Variants in DTWD2 observed in about 807,000 individuals in gnomAD.
The protein encoded by DTWD2 is tRNA-uridine aminocarboxypropyltransferase 2.
DTWD2 carries 39 observed loss-of-function variants against 31.8 expected under a neutral mutation model. That is an observed-to-expected ratio of 1.22 (90% confidence interval 0.95 to 1.60). The LOEUF is 1.60. Ranked by LOEUF, DTWD2 falls within the 40% of genes most tolerant of loss-of-function variation. The pLI, the probability that DTWD2 is intolerant of heterozygous loss-of-function variation, is 0.00. For synonymous variants in DTWD2, 180 were observed against 142.8 expected (o/e 1.26, Z -1.86); for missense variants, 515 against 381.5 (o/e 1.35, Z -2.92).
intron 4 of DTWD2, among the ~76,000 whole-genome samples, chr5:118,909,840 C>T (rs553798588): frequency 2.6e-5 from 4 of 152,196 alleles, no homozygotes; most frequent in African/African-American, 4.8e-5. Context: ...TGTATTCCCC[C>T]GTACTTAGCA....
chr5:118,943,985 C>T (rs914161257), intron 2 of DTWD2, among the ~76,000 whole-genome samples: 7 of 152,158 alleles, frequency 4.6e-5, no homozygotes, highest in Admixed American at 2.6e-4. Context: ...AACTTCCTCC[C>T]CTCTTCATTA....
chr5:118,884,996 C>CAAAAAAAA lies in DTWD2; in HGVS notation c.598-36786_598-36779dup, dbSNP rs36042211. Among the ~76,000 whole-genome samples the CAAAAAAAA allele has an allele frequency of 5.0e-4, 25 of 49,744 alleles. 2 individuals are homozygous for CAAAAAAAA. Among genetic ancestry groups the CAAAAAAAA allele is most frequent in the African/African-American group, 1.8e-3 (21 of 11,998 alleles). The allele number at this position is 49,744 out of a possible 152,430, so 32.6% of individuals were successfully genotyped here. A position where few individuals can be genotyped will look rare whatever the true frequency, so the allele number is the denominator to read the frequency against. On this transcript the variant is annotated intron_variant, in intron 4 of 5. Coordinates refer to ENST00000510708, the MANE Select transcript of DTWD2 (RefSeq NM_173666.4). ...GGGGGACAGAGTGAGACTCCATCTC[C>CAAAAAAAA]AAAAAAAAAAAAAAAAAAAAAAATC...
intron 1 of DTWD2, among the ~76,000 whole-genome samples, chr5:118,975,779 G>C (rs746900671): frequency 6.6e-6 from 1 of 152,070 alleles, no homozygotes; most frequent in Non-Finnish European, 1.5e-5. Context: ...ATACTGGACC[G>C]ATCAATGAGA....
intron 4 of DTWD2, among the ~76,000 whole-genome samples, chr5:118,894,334 C>CA (rs1443262850): frequency 2.0e-5 from 3 of 151,934 alleles, no homozygotes; most frequent in Non-Finnish European, 4.4e-5. Context: ...TGTTGGAAAA[C>CA]AAAAAACTGA....
intron 3 of DTWD2, among the ~76,000 whole-genome samples, chr5:118,930,699 C>T (rs191660342): frequency 2.5e-4 from 38 of 152,252 alleles, no homozygotes; most frequent in African/African-American, 7.9e-4. Context: ...ATACATGTTA[C>T]AACCTTGAAA....
intron 4 of DTWD2, among the ~76,000 whole-genome samples, chr5:118,923,083 T>C (rs1753738216): frequency 6.6e-6 from 1 of 152,106 alleles, no homozygotes; most frequent in East Asian, 1.9e-4. Flanking sequence ...TTCATTTCAG[T>C]GAAATGATAA....
chr5:118,959,398 TA>T (rs1384541080), intron 1 of DTWD2, among the ~76,000 whole-genome samples: 2 of 151,170 alleles, frequency 1.3e-5, no homozygotes, highest in African/African-American at 4.9e-5. Flanking sequence ...ACCAAGGAGG[TA>T]AAAAAATCTC....
intron 4 of DTWD2, among the ~76,000 whole-genome samples, chr5:118,921,462 G>C: frequency 6.6e-6 from 1 of 150,682 alleles, no homozygotes. Context: ...GGAAGCTGCA[G>C]TGAGCTATAA....
chr5:118,836,091 T>C lies in DTWD2; in HGVS notation c.*4826A>G, dbSNP rs1290898992. 6.6e-6 allele frequency among the ~76,000 whole-genome samples: 1 copy of C among 152,198 alleles called. No homozygotes were observed. Among genetic ancestry groups the C allele is most frequent in the Admixed American group, 6.5e-5 (1 of 15,280 alleles). On this transcript the variant is annotated 3_prime_UTR_variant, in exon 6 of 6. Coordinates refer to ENST00000510708, the MANE Select transcript of DTWD2 (RefSeq NM_173666.4). ...GGCAGGTACACTTTTAAAAAATGTT[T>C]TAATTCTTTAATATACTTCTAAGTA...
intron 4 of DTWD2, among the ~76,000 whole-genome samples, chr5:118,916,058 A>C (rs1022717249): frequency 1.3e-5 from 2 of 152,224 alleles, no homozygotes; most frequent in African/African-American, 4.8e-5. Flanking sequence ...CATTAAATGA[A>C]GCCACTCACT....
chr5:118,960,394 A>G (rs1754679430), intron 1 of DTWD2, among the ~76,000 whole-genome samples: 1 of 152,190 alleles, frequency 6.6e-6, no homozygotes, highest in Non-Finnish European at 1.5e-5. Context: ...TCACACCAGT[A>G]AGAATGGCTA....
Position 118,857,165 on chromosome 5 carries a change from G to A in DTWD2, c.598-8947C>T, listed in dbSNP as rs17144744. 4.2e-3 allele frequency among the ~76,000 whole-genome samples: 639 copies of A among 152,082 alleles called. 8 individuals carry two copies. Among genetic ancestry groups the A allele is most frequent in the East Asian group, 0.029 (150 of 5,178 alleles). ...AAAAAAAAGTTTGAAAATTGTAAGCGATCTTAACAGCAGTCTCTACTCTGC... is the reference window on the plus strand; with the variant it reads ...AAAAAAAAGTTTGAAAATTGTAAGCAATCTTAACAGCAGTCTCTACTCTGC... On this transcript the variant is annotated intron_variant, in intron 4 of 5. Coordinates refer to ENST00000510708, the MANE Select transcript of DTWD2 (RefSeq NM_173666.4).
At chr5:118,980,689 G>A (rs1755280643) in intron 1 of DTWD2, among the ~76,000 whole-genome samples, 1 of 152,172 alleles carries the variant, frequency 6.6e-6, no homozygotes, top group Non-Finnish European at 1.5e-5. Context: ...AAAACAGAAA[G>A]CTCATACACT....
At chr5:118,973,628 TCCTTGCTC>T (rs1755045730) in intron 1 of DTWD2, among the ~76,000 whole-genome samples, 2 of 149,254 alleles carry the variant, frequency 1.3e-5, no homozygotes, top group Admixed American at 1.5e-4. Flanking sequence ...CGCGGCAGCC[TCCTTGCTC>T]GCGGCAGCCT....
Position 118,939,244 on chromosome 5 carries a change from G to C in DTWD2, c.356C>G (p.Pro119Arg). The change falls in exon 3 of 6, where the codon CCC becomes CGC. Residue 119 changes from proline (P) to arginine (R), a missense_variant. By Grantham distance (103) the Pro-to-Arg change is moderately radical. Coordinates refer to ENST00000510708, the MANE Select transcript of DTWD2 (RefSeq NM_173666.4). ...GATCTTCACTTTACACTTGTCCTGG[G>C]GGAGGCATGCTGCTAGTAGAGGAAC... is the stretch of plus-strand genomic sequence containing the variant. ...RTVPLLAACLPQDKCKVKIGR... is the reference protein window; with the variant it reads ...RTVPLLAACLRQDKCKVKIGR... The C allele has an allele frequency of 6.2e-7, 1 of 1,602,420 alleles. No homozygotes were observed. Among genetic ancestry groups the C allele is most frequent in the South Asian group, 1.1e-5 (1 of 89,312 alleles).
At chr5:118,888,590 T>C (rs1387504267) in intron 4 of DTWD2, among the ~76,000 whole-genome samples, 1 of 152,372 alleles carries the variant, frequency 6.6e-6, no homozygotes, top group East Asian at 1.9e-4. Flanking sequence ...TGTATAGACA[T>C]ATACTTTTCA....
chr5:118,908,669 AG>A (rs371673545), intron 4 of DTWD2, among the ~76,000 whole-genome samples: 252 of 151,694 alleles, frequency 1.7e-3, no homozygotes, highest in African/African-American at 5.7e-3. Flanking sequence ...AAAAAAAAAA[AG>A]AAACCAACTC....
chr5:118,865,140 G>A (rs1256059938), intron 4 of DTWD2, among the ~76,000 whole-genome samples: 1 of 152,064 alleles, frequency 6.6e-6, no homozygotes, highest in Non-Finnish European at 1.5e-5. Context: ...TACAATTTCT[G>A]AAATACATCT....
chr5:118,978,301 G>A (rs1580453531), intron 1 of DTWD2, among the ~76,000 whole-genome samples: 2 of 152,196 alleles, frequency 1.3e-5, no homozygotes, highest in Admixed American at 6.5e-5. Context: ...ATACCATTCA[G>A]GACGTTGGCA....
Sources: gnomAD v4.1 joint callset for allele counts (sites outside exome capture counted in the v4.1 genomes callset) on GRCh38, gnomAD v4.1.1 for gene constraint, MANE v1.5 for transcripts, NCBI Gene and HGNC (gene_info 2026-07-23, HGNC 2026-07-21) for gene names.